Variants in TTC12 observed in about 807,000 individuals in gnomAD.
TTC12 encodes tetratricopeptide repeat domain 12, also known as tetratricopeptide repeat protein 12.
In TTC12, 70 loss-of-function variants were observed where a neutral mutation model predicts 90.1. The observed-to-expected ratio is 0.78, with a 90% confidence interval of 0.64 to 0.95. The LOEUF (loss-of-function observed/expected upper bound fraction) is 0.95. TTC12 is among the 40% of genes least tolerant of loss of function. The pLI, the probability that TTC12 is intolerant of heterozygous loss-of-function variation, is 0.00. For missense variants in TTC12, 819 were observed against 846.1 expected, an observed-to-expected ratio of 0.97 and a Z score of 0.40; for synonymous variants, 296 against 311.5, an observed-to-expected ratio of 0.95 and a Z score of 0.53.
chr11:113,327,404 G>C (rs1336921773), intron 6 of TTC12, among the ~76,000 whole-genome samples: 1 of 148,146 alleles, frequency 6.8e-6, no homozygotes, highest in African/African-American at 2.5e-5. Flanking sequence ...TGCAGTGTCA[G>C]AAAACACTTA....
intron 12 of TTC12, among the ~76,000 whole-genome samples, chr11:113,342,877 G>A (rs1464518541): frequency 6.6e-6 from 1 of 152,162 alleles, no homozygotes; most frequent in Non-Finnish European, 1.5e-5. Flanking sequence ...CCTACAGGAG[G>A]GCGAGGAAGG....
Position 113,364,907 on chromosome 11 carries a change from G to C in TTC12, c.1889G>C (p.Gly630Ala), listed in dbSNP as rs1343722656. ...VLVGNAALCLGNCMEVPNVAS... is the reference protein window; with the variant it reads ...VLVGNAALCLANCMEVPNVAS... Reference sequence around the variant, plus strand: ...GTGGGCAACGCTGCCCTCTGCCTTGGTAACTGCATGGAGGTGCCCAACGTT... The same window carrying C: ...GTGGGCAACGCTGCCCTCTGCCTTGCTAACTGCATGGAGGTGCCCAACGTT... The change falls in exon 21 of 22, where the codon GGT becomes GCT. Residue 630 changes from glycine (G) to alanine (A), a missense_variant. Coordinates refer to ENST00000529221, the MANE Select transcript of TTC12 (RefSeq NM_017868.4). The C allele has an allele frequency of 1.2e-6, 2 of 1,614,210 alleles. No individual in the cohort carries two copies. The highest frequency in any genetic ancestry group is 1.7e-6 in the Non-Finnish European group (2 of 1,180,030).
At chr11:113,355,871 G>T (rs1373408639) in intron 16 of TTC12, among the ~76,000 whole-genome samples, 1 of 152,148 alleles carries the variant, frequency 6.6e-6, no homozygotes, top group Non-Finnish European at 1.5e-5. Flanking sequence ...AAATATGATT[G>T]ATTTTAGAGT....
At chr11:113,346,671 T>A (rs960126397) in intron 13 of TTC12, among the ~76,000 whole-genome samples, 6 of 151,746 alleles carry the variant, frequency 4.0e-5, no homozygotes, top group Non-Finnish European at 7.4e-5. Flanking sequence ...TGGTCCCAAC[T>A]TCTTCTGTAG....
At chr11:113,323,188 C>G in intron 2 of TTC12, 100 bp from the exon 3 acceptor site, 2 of 762,854 alleles carry the variant, frequency 2.6e-6, no homozygotes, top group Non-Finnish European at 1.7e-6. Flanking sequence ...CTATTTTTTT[C>G]TTTAAGATCT....
intron 12 of TTC12, among the ~76,000 whole-genome samples, chr11:113,343,860 T>TA (rs1240722530): frequency 3.9e-5 from 6 of 152,222 alleles, no homozygotes; most frequent in Non-Finnish European, 8.8e-5. Flanking sequence ...TGAATATTGA[T>TA]GGCCTAAAGA....
intron 7 of TTC12, among the ~76,000 whole-genome samples, chr11:113,334,487 C>A (rs1244578874): frequency 6.6e-6 from 1 of 152,046 alleles, no homozygotes; most frequent in African/African-American, 2.4e-5. Context: ...CAGCTGTTTT[C>A]TTAGAGTAAG....
Position 113,323,333 on chromosome 11 carries a change from A to G in TTC12, c.104A>G (p.Gln35Arg), listed in dbSNP as rs782383504. 1.9e-6 allele frequency: 3 copies of G among 1,610,838 alleles called. No individual in the cohort carries two copies. The highest frequency in any genetic ancestry group is 2.7e-5 in the African/African-American group (2 of 74,772). Residue 35 changes from glutamine to arginine, a missense_variant, in exon 3 of 22, where the codon CAG becomes CGG. Physicochemically the swap from Gln to Arg is conservative, Grantham distance 43. Coordinates refer to ENST00000529221, the MANE Select transcript of TTC12 (RefSeq NM_017868.4). ...AATTCTGATGACCCAGTTGTGCAAC[A>G]GAAAGCTGTCCTGGAGACAGAAAAG... The part of the protein sequence containing the change: ...EMNSDDPVVQ[Q>R]KAVLETEKRL...
intron 13 of TTC12, among the ~76,000 whole-genome samples, chr11:113,348,278 A>G (rs782577799): frequency 9.9e-5 from 15 of 152,176 alleles, no homozygotes; most frequent in Non-Finnish European, 1.5e-4. Flanking sequence ...GCCTAAGCCA[A>G]TGTCCTGGAA....
chr11:113,355,520 TC>T (rs1233791316), intron 16 of TTC12, among the ~76,000 whole-genome samples: 1 of 152,222 alleles, frequency 6.6e-6, no homozygotes, highest in Non-Finnish European at 1.5e-5. Flanking sequence ...TGCTCTTAGT[TC>T]TCTAGTTGCT....
chr11:113,351,981 C>T (rs1489994159), intron 15 of TTC12, 89 bp from the exon 16 acceptor site: 1 of 1,475,562 alleles, frequency 6.8e-7, no homozygotes. Flanking sequence ...GGTTCGTGGG[C>T]CTTTTGGTGA....
intron 2 of TTC12, among the ~76,000 whole-genome samples, chr11:113,320,606 T>C (rs1293553740): frequency 6.6e-6 from 1 of 152,338 alleles, no homozygotes; most frequent in East Asian, 1.9e-4. Flanking sequence ...GACCTGATTC[T>C]TCCGGGGATG....
intron 2 of TTC12, among the ~76,000 whole-genome samples, chr11:113,322,490 C>T (rs1026752787): frequency 3.9e-5 from 6 of 152,146 alleles, no homozygotes; most frequent in African/African-American, 7.2e-5. Flanking sequence ...AAGTCGATGG[C>T]ATCTCTTTCC....
intron 20 of TTC12, chr11:113,364,235 GGAA>G (rs1950089086): frequency 3.3e-6 from 1 of 300,546 alleles, no homozygotes; most frequent in Admixed American, 4.8e-5. Flanking sequence ...AAGGAGAGGG[GGAA>G]ACACCGTCAA....
At chr11:113,352,789 T>C (rs189709049) in intron 16 of TTC12, among the ~76,000 whole-genome samples, 2 of 152,238 alleles carry the variant, frequency 1.3e-5, no homozygotes, top group Admixed American at 1.3e-4. Context: ...AATCTCTTTC[T>C]TTTTTATGGC....
chr11:113,367,556 T>C (rs1274248273), downstream of TTC12, among the ~76,000 whole-genome samples: 2 of 152,250 alleles, frequency 1.3e-5, no homozygotes, highest in Non-Finnish European at 2.9e-5. Context: ...CTTTAAGGAA[T>C]CAAGCTGGCC....
At chr11:113,351,990 G>A (rs1323952319) in intron 15 of TTC12, 80 bp from the exon 16 acceptor site, 9 of 1,512,452 alleles carry the variant, frequency 6.0e-6, no homozygotes, top group Non-Finnish European at 8.0e-6. Flanking sequence ...GCCTTTTGGT[G>A]AGTGAGGGAT....
intron 16 of TTC12, among the ~76,000 whole-genome samples, chr11:113,352,819 T>C (rs1427175648): frequency 6.6e-6 from 1 of 152,266 alleles, no homozygotes; most frequent in Non-Finnish European, 1.5e-5. Context: ...TTCCGTGGTG[T>C]ATATGTACCA....
At chr11:113,329,347 C>T (rs1300995375) in intron 6 of TTC12, among the ~76,000 whole-genome samples, 1 of 152,154 alleles carries the variant, frequency 6.6e-6, no homozygotes, top group Non-Finnish European at 1.5e-5. Context: ...CCAGCTCTTC[C>T]TTCTTGGATG....
Sources: allele counts gnomAD v4.1 joint callset (sites outside exome capture counted in the v4.1 genomes callset), GRCh38; gene constraint gnomAD v4.1.1; transcripts MANE v1.5; gene names NCBI Gene and HGNC (gene_info 2026-07-23, HGNC 2026-07-21).